TSPAN33: variants seen among roughly 807,000 people sequenced by gnomAD.
TSPAN33 encodes tetraspanin-33.
In TSPAN33, 27 loss-of-function variants were observed where a neutral mutation model predicts 34.8. The observed-to-expected ratio is 0.78, with a 90% confidence interval of 0.57 to 1.07. TSPAN33 has a LOEUF of 1.07. TSPAN33 is among the 50% of genes least tolerant of loss of function. The probability of loss-of-function intolerance (pLI) is 0.00; values close to 1 mark genes in which losing one functional copy is unlikely to be tolerated. For missense variants in TSPAN33, 272 were observed against 324.9 expected (o/e 0.84, Z 1.25); for synonymous variants, 119 against 124.2 (o/e 0.96, Z 0.28).
chr7:129,159,501 A>T (rs1276866032), intron 1 of TSPAN33, among the ~76,000 whole-genome samples: 3 of 152,154 alleles, frequency 2.0e-5, no homozygotes, highest in African/African-American at 7.2e-5. Context: ...AAAATTATAC[A>T]CCCTGGTGAA....
intron 1 of TSPAN33, among the ~76,000 whole-genome samples, chr7:129,157,333 T>G (rs1294187711): frequency 6.6e-6 from 1 of 151,578 alleles, no homozygotes; most frequent in Non-Finnish European, 1.5e-5. Context: ...GCACTAACTT[T>G]GGAATGGCAG....
chr7:129,168,086 C>T lies in TSPAN33; in HGVS notation c.*212C>T. 2 of 972,372 alleles carry T rather than the reference C, an allele frequency of 2.1e-6. No homozygotes were observed. The highest frequency in any genetic ancestry group is 2.9e-6 in the Non-Finnish European group (2 of 683,746). The allele number at this position is 972,372 out of a possible 1,614,324, so 60.2% of individuals were successfully genotyped here. ...GCCTCCTCTCCCCCATCCCAGCCCTCAGCATTGTGCCAGAGTGATACCCTT... is the reference window on the plus strand; with the variant it reads ...GCCTCCTCTCCCCCATCCCAGCCCTTAGCATTGTGCCAGAGTGATACCCTT... On this transcript the variant is annotated 3_prime_UTR_variant, in exon 8 of 8. Transcript: ENST00000486685.
At position 129,168,971 on chromosome 7, in the gene TSPAN33, A is replaced by G. The variant is rs1192821597; in HGVS notation, c.*1097A>G. 1.3e-5 allele frequency: 2 copies of G among 152,396 alleles called. No individual in the cohort carries two copies. The highest frequency in any genetic ancestry group is 6.5e-5 in the Admixed American group (1 of 15,270). The allele number at this position is 152,396 out of a possible 1,614,324, so 9.4% of individuals were successfully genotyped here. A position where few individuals can be genotyped will look rare whatever the true frequency, so the allele number is the denominator to read the frequency against. ...GCCCGCCACACGCGCGTCTCCTTCA[A>G]CCGATGCATTGCCACCCTCCCACAG... On this transcript the variant is annotated 3_prime_UTR_variant, in exon 8 of 8. Coordinates refer to ENST00000486685, the MANE Select transcript of TSPAN33 (RefSeq NM_178562.5).
At chr7:129,163,390 A>G (rs1430250157) in intron 4 of TSPAN33, among the ~76,000 whole-genome samples, 2 of 132,236 alleles carry the variant, frequency 1.5e-5, no homozygotes, top group Non-Finnish European at 3.1e-5. Flanking sequence ...GAGTCTCACT[A>G]GGTTGCCAGG....
Position 129,166,795 on chromosome 7 carries a change from G to A in TSPAN33, c.477G>A (p.Gly159=). Residue 159 remains glycine, a synonymous_variant, in exon 6 of 8, where the codon GGG becomes GGA. Coordinates refer to ENST00000486685, the MANE Select transcript of TSPAN33 (RefSeq NM_178562.5). ...FGQKKFSCCG[G]ISYKDWSQNM... is the part of the protein sequence containing the mutation. ...TGTTGCAGTTTAGCTGCTGTGGAGGGATTTCCTACAAGGACTGGTCTCAGA... is the reference window on the plus strand; with the variant it reads ...TGTTGCAGTTTAGCTGCTGTGGAGGAATTTCCTACAAGGACTGGTCTCAGA... 1 of 1,614,124 alleles carries A rather than the reference G, an allele frequency of 6.2e-7. No individual in the cohort carries two copies. The highest frequency in any genetic ancestry group is 8.5e-7 in the Non-Finnish European group (1 of 1,180,020).
chr7:129,157,701 T>G (rs868415887), intron 1 of TSPAN33, among the ~76,000 whole-genome samples: 6 of 152,138 alleles, frequency 3.9e-5, no homozygotes, highest in African/African-American at 1.4e-4. Flanking sequence ...CCAACAACCC[T>G]AAGTCCCAGG....
At chr7:129,155,900 T>G (rs1810659228) in intron 1 of TSPAN33, among the ~76,000 whole-genome samples, 1 of 151,982 alleles carries the variant, frequency 6.6e-6, no homozygotes, top group Non-Finnish European at 1.5e-5. Flanking sequence ...TATTTTTATT[T>G]TTATTTTTAT....
intron 1 of TSPAN33, among the ~76,000 whole-genome samples, chr7:129,151,428 A>G (rs1036847198): frequency 6.6e-6 from 1 of 152,002 alleles, no homozygotes; most frequent in African/African-American, 2.4e-5. Flanking sequence ...CCCTACCTTG[A>G]TCTTAAATGC....
intron 1 of TSPAN33, among the ~76,000 whole-genome samples, chr7:129,156,011 G>A (rs1481803935): frequency 1.3e-5 from 2 of 152,042 alleles, no homozygotes; most frequent in African/African-American, 4.8e-5. Flanking sequence ...GATTCCAGGC[G>A]TGGCCCACCA....
intron 1 of TSPAN33, among the ~76,000 whole-genome samples, chr7:129,149,866 A>G (rs1810570106): frequency 6.6e-6 from 1 of 152,216 alleles, no homozygotes; most frequent in Admixed American, 6.5e-5. Flanking sequence ...TCAGACACCC[A>G]TAACAGCAGC....
chr7:129,168,107 C>T lies in TSPAN33; in HGVS notation c.*233C>T, dbSNP rs1584642968. 1 of 767,510 alleles carries T rather than the reference C, an allele frequency of 1.3e-6. No homozygotes were observed. The highest frequency in any genetic ancestry group is 3.1e-5 in the East Asian group (1 of 32,300). The allele number at this position is 767,510 out of a possible 1,614,324, so 47.5% of individuals were successfully genotyped here. A position where few individuals can be genotyped will look rare whatever the true frequency, so the allele number is the denominator to read the frequency against. On this transcript the variant is annotated 3_prime_UTR_variant, in exon 8 of 8. Transcript: ENST00000486685. ...CCCTCAGCATTGTGCCAGAGTGATACCCTTAAGTGTTTGGGTTTATGTTTT... is the reference window on the plus strand; with the variant it reads ...CCCTCAGCATTGTGCCAGAGTGATATCCTTAAGTGTTTGGGTTTATGTTTT...
In TSPAN33 at chr7:129,148,277, C is replaced by T. The variant is rs1810547282; in HGVS notation, c.102+3195C>T. Among the ~76,000 whole-genome samples the T allele has an allele frequency of 6.6e-6, 1 of 152,244 alleles. No homozygotes were observed. Among genetic ancestry groups the T allele is most frequent in the Admixed American group, 6.5e-5 (1 of 15,284 alleles). On this transcript the variant is annotated intron_variant, in intron 1 of 7. Coordinates refer to ENST00000486685, the MANE Select transcript of TSPAN33 (RefSeq NM_178562.5). This position sits in a 1 kb window ranked among gnomAD's most constrained non-coding sequence, Gnocchi z 4.2. ...AGCCCCTGTGTCTCAGCCCAGGCTTCCCTAGCAGCCATGCCTCAGGGCTCC... is the reference window on the plus strand; with the variant it reads ...AGCCCCTGTGTCTCAGCCCAGGCTTTCCTAGCAGCCATGCCTCAGGGCTCC...
chr7:129,149,536 A>G (rs1778446531), intron 1 of TSPAN33, among the ~76,000 whole-genome samples: 1 of 152,212 alleles, frequency 6.6e-6, no homozygotes, highest in Non-Finnish European at 1.5e-5. Flanking sequence ...CTGGGCAACA[A>G]AAGTGAAACT....
At chr7:129,158,823 T>C (rs1377610713) in intron 1 of TSPAN33, among the ~76,000 whole-genome samples, 1 of 152,250 alleles carries the variant, frequency 6.6e-6, no homozygotes, top group Admixed American at 6.5e-5. Flanking sequence ...CGTTCTCAGC[T>C]CACTGCAACC....
At position 129,167,742 on chromosome 7, in the gene TSPAN33, T is replaced by C. The variant is rs377133451; in HGVS notation, c.751-31T>C. 2.0e-5 allele frequency: 33 copies of C among 1,610,340 alleles called. No homozygotes were observed. The highest frequency in any genetic ancestry group is 3.3e-4 in the Middle Eastern group (2 of 6,046). On this transcript the variant is annotated intron_variant, in intron 7 of 7. Transcript: ENST00000486685. The surrounding 1 kb of genome is among the most constrained non-coding windows in gnomAD (Gnocchi z 4.6). ...GGAAAACAAGGCCATCACTCACTGC[T>C]GAGTGCCCAATTCCTTCTTGCCTCT... is the stretch of plus-strand genomic sequence containing the variant.
intron 4 of TSPAN33, among the ~76,000 whole-genome samples, chr7:129,164,209 A>C (rs948782821): frequency 6.6e-6 from 1 of 152,208 alleles, no homozygotes; most frequent in African/African-American, 2.4e-5. Flanking sequence ...AATAGCATTC[A>C]GAGATAGATA....
At chr7:129,145,570 C>G (rs537395863) in intron 1 of TSPAN33, among the ~76,000 whole-genome samples, 36 of 151,882 alleles carry the variant, frequency 2.4e-4, no homozygotes, top group South Asian at 1.7e-3. Flanking sequence ...CTCCACCCCC[C>G]CAAAGTCTAG....
chr7:129,161,465 T>C (rs1793047161), intron 1 of TSPAN33, among the ~76,000 whole-genome samples: 1 of 152,222 alleles, frequency 6.6e-6, no homozygotes. Context: ...TTACGAGCAC[T>C]GAATGAATAA....
At chr7:129,155,881 T>C (rs1810659040) in intron 1 of TSPAN33, among the ~76,000 whole-genome samples, 1 of 151,860 alleles carries the variant, frequency 6.6e-6, no homozygotes, top group Non-Finnish European at 1.5e-5. Context: ...TGCACCACCA[T>C]ACTCAGATTA....
Sources: allele counts gnomAD v4.1 joint callset (sites outside exome capture counted in the v4.1 genomes callset), GRCh38; gene constraint gnomAD v4.1.1; non-coding constraint Gnocchi (gnomAD v3.1); transcripts MANE v1.5; gene names NCBI Gene and HGNC (gene_info 2026-07-23, HGNC 2026-07-21).